Variants in CR1 observed in about 807,000 individuals in gnomAD.
The protein encoded by CR1 is complement receptor type 1.
A neutral mutation model predicts 187.3 loss-of-function variants in CR1; 116 were observed. That is an observed-to-expected ratio of 0.62 (90% CI 0.53 to 0.72). The LOEUF (loss-of-function observed/expected upper bound fraction) is 0.72. CR1 is among the 30% of genes least tolerant of loss of function. The pLI, the probability that CR1 is intolerant of heterozygous loss-of-function variation, is 0.00. For synonymous variants in CR1, 576 were observed against 747.1 expected (o/e 0.77, Z 3.73); for missense variants, 1,731 against 2,110.7 (o/e 0.82, Z 3.52).
rs1266340909 is a variant in CR1, at chr1:207,578,050, A to G, written c.4783A>G (p.Asn1595Asp). The part of the protein sequence containing the change: ...PNKCTPPNVE[N>D]GILVSDNRSL... ...CAAATGCACGCCTCCAAATGTGGAA[A>G]ATGGAATATTGGTATCTGACAACAG... The change falls in exon 29 of 47, where the codon AAT becomes GAT. Residue 1595 changes from asparagine to aspartate, a missense_variant. Asn to Asp is a conservative substitution (Grantham distance 23). Transcript: ENST00000367049. 5.0e-6 allele frequency: 8 copies of G among 1,611,644 alleles called. 1 individual carries two copies. In the South Asian group the frequency reaches 8.8e-5, roughly 18 times the overall value.
chr1:207,564,777 A>G lies in CR1; in HGVS notation c.3866+543A>G, dbSNP rs113827515. Among the ~76,000 whole-genome samples the G allele has an allele frequency of 6.7e-5, 10 of 150,262 alleles. No individual in the cohort carries two copies. The South Asian group carries it at 8.3e-4, about 13-fold the overall frequency. On this transcript the variant is annotated intron_variant, in intron 23 of 46. Transcript: ENST00000367049. ...GATGGCACCATTGCACTCCAGCGTG[A>G]ACAATGAGTGAAACTCCATCTCAGG...
intron 45 of CR1, among the ~76,000 whole-genome samples, chr1:207,630,212 AT>A (rs1238441488): frequency 2.6e-5 from 4 of 152,206 alleles, no homozygotes; most frequent in Non-Finnish European, 4.4e-5. Context: ...TGTAAATCCT[AT>A]TTACTAATCA....
chr1:207,635,663 G>T (rs1036338133), intron 46 of CR1, among the ~76,000 whole-genome samples: 15 of 152,254 alleles, frequency 9.9e-5, no homozygotes, highest in African/African-American at 3.6e-4. Context: ...ACCCTTTACG[G>T]GTGTCAGGCT....
At chr1:207,630,984 A>C (rs1457546081) in intron 46 of CR1, among the ~76,000 whole-genome samples, 5 of 152,142 alleles carry the variant, frequency 3.3e-5, no homozygotes, top group African/African-American at 1.2e-4. Flanking sequence ...GCACAGAGTC[A>C]CTTTAATGTC....
At chr1:207,611,555 A>G (rs1436068853) in intron 37 of CR1, 122 bp from the exon 38 acceptor site, 5 of 1,412,804 alleles carry the variant, frequency 3.5e-6, no homozygotes, top group Non-Finnish European at 4.8e-6. Flanking sequence ...CTGAACTACC[A>G]ATCTTCTCTT....
At chr1:207,564,794 C>T (rs1660442016) in intron 23 of CR1, among the ~76,000 whole-genome samples, 2 of 149,878 alleles carry the variant, frequency 1.3e-5, no homozygotes, top group African/African-American at 5.1e-5. Context: ...AGTGAAACTC[C>T]ATCTCAGGAA....
chr1:207,526,609 T>C, intron 5 of CR1, 144 bp from the exon 6 acceptor site: 1 of 1,433,720 alleles, frequency 7.0e-7, no homozygotes, highest in Non-Finnish European at 9.2e-7. Context: ...TTGCCCTGTG[T>C]ATTTAGTTTA....
chr1:207,500,626 C>A (rs1659237592), intron 1 of CR1, among the ~76,000 whole-genome samples: 4 of 152,186 alleles, frequency 2.6e-5, no homozygotes, highest in African/African-American at 9.6e-5. Context: ...TTGACCGAGC[C>A]AAGTGTTGGC....
intron 4 of CR1, among the ~76,000 whole-genome samples, chr1:207,515,178 CATATAT>C (rs57573620): frequency 7.3e-6 from 1 of 136,444 alleles, no homozygotes; most frequent in Non-Finnish European, 1.6e-5. Flanking sequence ...TAGGTATATA[CATATAT>C]ACGTATATAT....
chr1:207,576,975 G>T (rs2102337137), intron 28 of CR1, among the ~76,000 whole-genome samples: 1 of 152,176 alleles, frequency 6.6e-6, no homozygotes, highest in East Asian at 1.9e-4. Context: ...TATAGGCTAG[G>T]CACAGTGGCT....
intron 45 of CR1, among the ~76,000 whole-genome samples, chr1:207,625,659 T>TA (rs1270937246): frequency 1.3e-5 from 2 of 152,128 alleles, no homozygotes; most frequent in African/African-American, 4.8e-5. Flanking sequence ...CTAGGGTTTT[T>TA]ATAGATCATT....
Position 207,611,810 on chromosome 1 carries a change from C to T in CR1, c.6429C>T (p.Cys2143=), listed in dbSNP as rs1459023366. ...TCAGAGGGGCTGCGTCTCTGCACTG[C>T]ACGCCCCAGGGAGACTGGAGCCCTG... ...YDLRGAASLH[C]TPQGDWSPEA... is the part of the protein sequence containing the mutation. The change falls in exon 38 of 47, where the codon TGC becomes TGT. Residue 2143 remains cysteine (C), a synonymous_variant. Coordinates refer to ENST00000367049, the MANE Select transcript of CR1 (RefSeq NM_000651.6). 14 of 1,613,892 alleles carry T rather than the reference C, an allele frequency of 8.7e-6. No individual in the cohort carries two copies. The highest frequency in any genetic ancestry group is 7.6e-6 in the Non-Finnish European group (9 of 1,179,902).
chr1:207,509,289 T>C (rs1659544469), intron 3 of CR1, among the ~76,000 whole-genome samples: 1 of 152,190 alleles, frequency 6.6e-6, no homozygotes, highest in African/African-American at 2.4e-5. Flanking sequence ...TGGCTTTTCC[T>C]GAACCATGGC....
At chr1:207,504,789 G>C (rs564466158) in intron 1 of CR1, among the ~76,000 whole-genome samples, 3 of 152,184 alleles carry the variant, frequency 2.0e-5, no homozygotes, top group Non-Finnish European at 4.4e-5. Context: ...GCCCATTTCT[G>C]AGGCATCTTT....
At chr1:207,633,443 T>C (rs1662712602) in intron 46 of CR1, among the ~76,000 whole-genome samples, 1 of 152,202 alleles carries the variant, frequency 6.6e-6, no homozygotes, top group Admixed American at 6.5e-5. Flanking sequence ...TGAATCCTGC[T>C]TTTTTTACCA....
At chr1:207,504,770 T>C (rs1659377852) in intron 1 of CR1, among the ~76,000 whole-genome samples, 2 of 152,170 alleles carry the variant, frequency 1.3e-5, no homozygotes, top group Non-Finnish European at 2.9e-5. Flanking sequence ...GCTGATTTTT[T>C]AAAAAGGAGC....
intron 45 of CR1, among the ~76,000 whole-genome samples, chr1:207,628,012 C>T (rs750167119): frequency 2.0e-5 from 3 of 152,124 alleles, no homozygotes; most frequent in Non-Finnish European, 2.9e-5. Context: ...CCTTTGAGAT[C>T]CTATAGTAAT....
intron 5 of CR1, among the ~76,000 whole-genome samples, chr1:207,526,537 C>T (rs560697634): frequency 6.6e-6 from 1 of 151,494 alleles, no homozygotes; most frequent in South Asian, 2.1e-4. Context: ...ATTGGAGATA[C>T]CTCTGTTTTA....
intron 1 of CR1, among the ~76,000 whole-genome samples, chr1:207,500,230 T>A (rs1035420935): frequency 6.6e-6 from 1 of 152,260 alleles, no homozygotes; most frequent in Non-Finnish European, 1.5e-5. Context: ...TTAAAATATT[T>A]ATTTTATCTG....
Sources: allele counts gnomAD v4.1 joint callset (sites outside exome capture counted in the v4.1 genomes callset), GRCh38; gene constraint gnomAD v4.1.1; transcripts MANE v1.5; gene names NCBI Gene and HGNC (gene_info 2026-07-23, HGNC 2026-07-21).